Variants in FLACC1 observed in about 807,000 individuals in gnomAD.
FLACC1 encodes the protein flagellum-associated coiled-coil domain-containing protein 1.
In FLACC1, 66 loss-of-function variants were observed where a neutral mutation model predicts 62.8. The ratio of observed to expected loss-of-function variants is 1.05; its 90% CI spans 0.86 to 1.29. The LOEUF (loss-of-function observed/expected upper bound fraction) is 1.29, where lower values mean the gene tolerates loss of function less well. Ranked by LOEUF, FLACC1 falls within the 50% of genes most tolerant of loss-of-function variation. FLACC1 has a pLI of 0.00. For synonymous variants in FLACC1, 156 were observed against 161.0 expected (o/e 0.97, Z 0.24); for missense variants, 452 against 489.1 (o/e 0.92, Z 0.71).
chr2:201,344,312 G>T, intron 5 of FLACC1, 49 bp from the exon 6 acceptor site: 1 of 1,471,568 alleles, frequency 6.8e-7, no homozygotes, highest in Non-Finnish European at 9.5e-7. Flanking sequence ...ACCATTCCAT[G>T]CCATTCAGGC....
Position 201,357,101 on chromosome 2 carries a change from A to G in FLACC1, c.-167T>C, listed in dbSNP as rs1274477685. Reference sequence around the variant, plus strand: ...CAGAATCAGAGTTTACTTTAGATCAAAAGCCACTTTAGTGGCCATTCCAAG... The same window carrying G: ...CAGAATCAGAGTTTACTTTAGATCAGAAGCCACTTTAGTGGCCATTCCAAG... On this transcript the variant is annotated 5_prime_UTR_variant, in exon 1 of 15. Transcript: ENST00000392257. The G allele has an allele frequency of 3.9e-5, 6 of 152,370 alleles. No homozygotes were observed. The highest frequency in any genetic ancestry group is 1.2e-4 in the African/African-American group (5 of 41,592). The allele number at this position is 152,370 out of a possible 1,614,324, so 9.4% of individuals were successfully genotyped here. A position where few individuals can be genotyped will look rare whatever the true frequency, so the allele number is the denominator to read the frequency against.
intron 9 of FLACC1, among the ~76,000 whole-genome samples, chr2:201,323,110 C>G (rs1482107941): frequency 1.3e-5 from 2 of 152,076 alleles, no homozygotes; most frequent in Non-Finnish European, 2.9e-5. Context: ...ACAGCCAAAC[C>G]TAAGAATAAC....
intron 9 of FLACC1, among the ~76,000 whole-genome samples, chr2:201,315,938 G>C (rs1950299002): frequency 6.6e-6 from 1 of 152,092 alleles, no homozygotes; most frequent in Non-Finnish European, 1.5e-5. Context: ...TAAATAACCT[G>C]TTCCTGAATG....
intron 7 of FLACC1, among the ~76,000 whole-genome samples, chr2:201,332,022 C>T (rs1950602841): frequency 1.3e-5 from 2 of 152,116 alleles, no homozygotes; most frequent in African/African-American, 4.8e-5. Flanking sequence ...AACTCTAAAA[C>T]TACTCTAAAA....
intron 10 of FLACC1, among the ~76,000 whole-genome samples, chr2:201,308,064 A>G (rs1218448628): frequency 6.6e-6 from 1 of 152,164 alleles, no homozygotes; most frequent in Admixed American, 6.5e-5. Context: ...CTGCCAGTAG[A>G]GCCCCATTAT....
upstream of FLACC1, among the ~76,000 whole-genome samples, chr2:201,358,187 A>G (rs973082572): frequency 1.3e-5 from 2 of 152,224 alleles, no homozygotes; most frequent in African/African-American, 4.8e-5. Context: ...TTAGAGACCA[A>G]TGAGAAAACA....
intron 9 of FLACC1, among the ~76,000 whole-genome samples, chr2:201,328,255 C>G (rs922116244): frequency 6.6e-6 from 1 of 151,888 alleles, no homozygotes; most frequent in Non-Finnish European, 1.5e-5. Flanking sequence ...CAGAATTCAC[C>G]ACTATATAAT....
At chr2:201,329,084 G>A (rs1326399724) in intron 9 of FLACC1, among the ~76,000 whole-genome samples, 2 of 152,028 alleles carry the variant, frequency 1.3e-5, no homozygotes, top group East Asian at 3.9e-4. Flanking sequence ...TCTGCTTTTT[G>A]TCCTCCAATT....
At chr2:201,319,238 T>C (rs1950357591) in intron 9 of FLACC1, among the ~76,000 whole-genome samples, 2 of 152,040 alleles carry the variant, frequency 1.3e-5, no homozygotes, top group South Asian at 2.1e-4. Flanking sequence ...TTCAACAAAG[T>C]AGACAAAAAC....
intron 12 of FLACC1, among the ~76,000 whole-genome samples, chr2:201,294,396 T>C (rs1949810294): frequency 6.6e-6 from 1 of 152,166 alleles, no homozygotes; most frequent in South Asian, 2.1e-4. Flanking sequence ...TAATCCAGCA[T>C]ATAAACCGAA....
At chr2:201,293,642 G>C (rs1412432679) in intron 12 of FLACC1, among the ~76,000 whole-genome samples, 1 of 152,106 alleles carries the variant, frequency 6.6e-6, no homozygotes, top group African/African-American at 2.4e-5. Context: ...ACATTCAAAA[G>C]CTAGCAGAAG....
chr2:201,350,588 G>A (rs1951006386), intron 3 of FLACC1, 123 bp downstream of exon 3: 8 of 781,416 alleles, frequency 1.0e-5, no homozygotes. Flanking sequence ...GGCTGAGGCA[G>A]GAGAATCGCT....
chr2:201,304,191 CT>C (rs547689393), intron 11 of FLACC1, among the ~76,000 whole-genome samples: 46 of 152,348 alleles, frequency 3.0e-4, no homozygotes, highest in African/African-American at 1.1e-3. Flanking sequence ...CCCATCATCT[CT>C]GCCCAAAATC....
At chr2:201,342,896 T>C (rs1001987825) in intron 6 of FLACC1, among the ~76,000 whole-genome samples, 8 of 152,236 alleles carry the variant, frequency 5.3e-5, no homozygotes, top group Admixed American at 2.6e-4. Context: ...ACAGTATAGT[T>C]CCATTCTAGC....
At chr2:201,318,017 T>C (rs1035075966) in intron 9 of FLACC1, among the ~76,000 whole-genome samples, 1 of 152,144 alleles carries the variant, frequency 6.6e-6, no homozygotes, top group African/African-American at 2.4e-5. Flanking sequence ...ATTCAACAAA[T>C]GGTGCTGGGA....
At chr2:201,360,575 C>T (rs990349384), upstream of FLACC1, among the ~76,000 whole-genome samples, 1 of 152,206 alleles carries the variant, frequency 6.6e-6, no homozygotes, top group Non-Finnish European at 1.5e-5. Flanking sequence ...TCTCTTTGAT[C>T]TTTGGCTTTC....
chr2:201,362,361 T>A (rs1276865626), upstream of FLACC1, among the ~76,000 whole-genome samples: 4 of 152,142 alleles, frequency 2.6e-5, no homozygotes, highest in African/African-American at 4.8e-5. Flanking sequence ...GATGGCAGAT[T>A]AGAGTCTTTC....
intron 12 of FLACC1, among the ~76,000 whole-genome samples, chr2:201,294,364 A>C (rs1037971427): frequency 6.6e-6 from 1 of 152,246 alleles, no homozygotes; most frequent in African/African-American, 2.4e-5. Flanking sequence ...AGGCTGGTTC[A>C]ACATACGCAA....
At chr2:201,341,407 ATAT>A (rs1559415686) in intron 7 of FLACC1, among the ~76,000 whole-genome samples, 1 of 149,210 alleles carries the variant, frequency 6.7e-6, no homozygotes, top group African/African-American at 2.4e-5. Context: ...ATATATATAT[ATAT>A]AAATCATATA....
Sources: gnomAD v4.1 joint callset for allele counts (sites outside exome capture counted in the v4.1 genomes callset) on GRCh38, gnomAD v4.1.1 for gene constraint, MANE v1.5 for transcripts, NCBI Gene and HGNC (gene_info 2026-07-23, HGNC 2026-07-21) for gene names.